The following PICALM variants were observed in gnomAD, a reference collection of about 807,000 sequenced individuals.
PICALM encodes phosphatidylinositol-binding clathrin assembly protein.
A neutral mutation model predicts 80.5 loss-of-function variants in PICALM; 40 were observed. The ratio of observed to expected loss-of-function variants is 0.50; its 90% CI spans 0.39 to 0.65. The LOEUF (loss-of-function observed/expected upper bound fraction) is 0.65, where lower values mean the gene tolerates loss of function less well. PICALM is among the 30% of genes least tolerant of loss of function. PICALM has a pLI of 0.00. For synonymous variants in PICALM, 288 were observed against 260.3 expected (o/e 1.11, Z -1.02); for missense variants, 676 against 778.9 (o/e 0.87, Z 1.57).
At chr11:86,009,378 G>A (rs948785095) in intron 7 of PICALM, among the ~76,000 whole-genome samples, 1 of 150,292 alleles carries the variant, frequency 6.7e-6, no homozygotes, top group Non-Finnish European at 1.5e-5. Context: ...AGCAGATCTG[G>A]AGTACAGAAG....
At chr11:85,990,767 T>C (rs565291443) in intron 12 of PICALM, among the ~76,000 whole-genome samples, 6 of 152,130 alleles carry the variant, frequency 3.9e-5, no homozygotes, top group Admixed American at 1.3e-4. Context: ...ACTTGAATAA[T>C]TGATATTGAC....
intron 17 of PICALM, chr11:85,978,053 C>G: frequency 6.2e-7 from 1 of 1,608,734 alleles, no homozygotes. Flanking sequence ...CAAAAAGGCT[C>G]GTTTTTGGTC....
intron 3 of PICALM, among the ~76,000 whole-genome samples, chr11:86,024,652 A>T (rs2136581289): frequency 6.6e-6 from 1 of 152,164 alleles, no homozygotes; most frequent in Non-Finnish European, 1.5e-5. Context: ...ACTCTATAAA[A>T]AATTTTTGTG....
chr11:86,058,907 A>C (rs2096310767), intron 1 of PICALM, among the ~76,000 whole-genome samples: 1 of 152,142 alleles, frequency 6.6e-6, no homozygotes, highest in Admixed American at 6.6e-5. Flanking sequence ...TTACATTCCT[A>C]ATTTCAAGAA....
At chr11:86,068,612 G>T (rs769673440) in intron 1 of PICALM, 39 bp downstream of exon 1, 1 of 1,585,996 alleles carries the variant, frequency 6.3e-7, no homozygotes, top group East Asian at 2.3e-5. Flanking sequence ...CGGGTCGCGC[G>T]GGCGCCGGGG....
chr11:85,973,976 A>T (rs1007423963), intron 19 of PICALM, among the ~76,000 whole-genome samples: 6 of 152,204 alleles, frequency 3.9e-5, no homozygotes, highest in Non-Finnish European at 8.8e-5. Flanking sequence ...GCCTCATCCC[A>T]GAGTATGCCA....
At chr11:85,990,977 T>C (rs1358990800) in intron 12 of PICALM, among the ~76,000 whole-genome samples, 1 of 152,222 alleles carries the variant, frequency 6.6e-6, no homozygotes, top group Non-Finnish European at 1.5e-5. Context: ...GTCCACTTAA[T>C]AGACTGCGAA....
chr11:85,986,170 C>A (rs540897705), intron 13 of PICALM, among the ~76,000 whole-genome samples: 7 of 152,008 alleles, frequency 4.6e-5, no homozygotes, highest in Non-Finnish European at 1.0e-4. Flanking sequence ...AATAGCTAAT[C>A]GGCTATTAAT....
chr11:86,022,891 T>C (rs2095590785), intron 3 of PICALM, among the ~76,000 whole-genome samples: 1 of 152,180 alleles, frequency 6.6e-6, no homozygotes, highest in Non-Finnish European at 1.5e-5. Context: ...TCTTTAGCTG[T>C]ATTTAGAACC....
rs567794187 is a variant in PICALM at position 86,054,019 on chromosome 11, T to C, written c.130+14632A>G. Among the ~76,000 whole-genome samples, 31 of 152,330 alleles carry C rather than the reference T, an allele frequency of 2.0e-4. 1 individual carries two copies. The highest frequency in any genetic ancestry group is 4.4e-4 in the Non-Finnish European group (30 of 68,022). On this transcript the variant is annotated intron_variant, in intron 1 of 19. Coordinates refer to ENST00000393346, the MANE Select transcript of PICALM (RefSeq NM_007166.4). ...AAACTGATTTAACAAATCTTATTTA[T>C]TCATACTATCACCCAATAAGATAGT...
intron 4 of PICALM, among the ~76,000 whole-genome samples, chr11:86,020,691 T>C (rs544620756): frequency 2.0e-5 from 3 of 152,252 alleles, no homozygotes; most frequent in African/African-American, 7.2e-5. Flanking sequence ...TACAAAAGAA[T>C]AAATTTGGAC....
rs759356364 is a variant in PICALM at position 85,981,222 on chromosome 11, T to C, written c.1686A>G (p.Val562=). The change falls in exon 17 of 20, where the codon GTA becomes GTG. Residue 562 remains valine (V), a synonymous_variant. Coordinates refer to ENST00000393346, the MANE Select transcript of PICALM (RefSeq NM_007166.4). ...TCTTTTCACCTGGTTGACTCCAATT[T>C]ACATCACTTTAAATAAACATAAGTG... ...GIGNGTTKND[V]NWSQPGEKKL... 2 of 1,535,962 alleles carry C rather than the reference T, an allele frequency of 1.3e-6. No individual in the cohort carries two copies. Among genetic ancestry groups the C allele is most frequent in the South Asian group, 1.1e-5 (1 of 89,516 alleles).
chr11:86,067,357 C>T (rs1000422604), intron 1 of PICALM, among the ~76,000 whole-genome samples: 11 of 152,188 alleles, frequency 7.2e-5, no homozygotes, highest in Non-Finnish European at 1.5e-4. Flanking sequence ...AGGGAACTTA[C>T]TTATCGTGAC....
intron 9 of PICALM, 120 bp downstream of exon 9, chr11:86,003,246 C>A: frequency 3.6e-6 from 2 of 551,638 alleles, no homozygotes; most frequent in Non-Finnish European, 3.3e-6. Context: ...ATGATTAAAT[C>A]CATTTTATAG....
chr11:85,990,205 G>A (rs759494349), intron 13 of PICALM, 45 bp downstream of exon 13: 8 of 1,111,516 alleles, frequency 7.2e-6, no homozygotes, highest in South Asian at 3.2e-5. Flanking sequence ...ATATAGTTAG[G>A]CAGTATAAAC....
intron 1 of PICALM, among the ~76,000 whole-genome samples, chr11:86,065,197 C>T (rs1043388465): frequency 1.3e-5 from 2 of 152,110 alleles, no homozygotes; most frequent in East Asian, 3.8e-4. Flanking sequence ...TCTGTAATCC[C>T]AGCCCTTTGG....
intron 14 of PICALM, among the ~76,000 whole-genome samples, chr11:85,983,174 A>G (rs1455518288): frequency 6.6e-6 from 1 of 152,224 alleles, no homozygotes; most frequent in East Asian, 1.9e-4. Flanking sequence ...ACATCTCAAT[A>G]TATTCTCTCT....
intron 3 of PICALM, among the ~76,000 whole-genome samples, chr11:86,025,909 A>G (rs1442372752): frequency 1.3e-5 from 2 of 152,146 alleles, no homozygotes; most frequent in Admixed American, 6.5e-5. Context: ...CTTTGTAGTA[A>G]TTAACTAGGT....
chr11:86,061,538 T>C (rs777448965), intron 1 of PICALM, among the ~76,000 whole-genome samples: 5 of 151,294 alleles, frequency 3.3e-5, no homozygotes, highest in Non-Finnish European at 7.4e-5. Context: ...ATCAGGAAAA[T>C]GCAAATTAAA....
Sources: allele counts gnomAD v4.1 joint callset (sites outside exome capture counted in the v4.1 genomes callset), GRCh38; gene constraint gnomAD v4.1.1; transcripts MANE v1.5; gene names NCBI Gene and HGNC (gene_info 2026-07-23, HGNC 2026-07-21).